Variants in PRKN observed in about 807,000 individuals in gnomAD.
The protein encoded by PRKN is E3 ubiquitin-protein ligase parkin.
In PRKN, 56 loss-of-function variants were observed where a neutral mutation model predicts 59.5. The ratio of observed to expected loss-of-function variants is 0.94; its 90% CI spans 0.76 to 1.18. The LOEUF (loss-of-function observed/expected upper bound fraction) is 1.18, where lower values mean the gene tolerates loss of function less well. Ranked by LOEUF, PRKN falls within the 50% of genes most tolerant of loss-of-function variation. The pLI is 0.00. For missense variants in PRKN, 657 were observed against 596.4 expected (o/e 1.10, Z -1.06); for synonymous variants, 250 against 222.1 (o/e 1.13, Z -1.12).
chr6:161,604,440 G>C (rs565233099), intron 7 of PRKN, among the ~76,000 whole-genome samples: 1 of 152,286 alleles, frequency 6.6e-6, no homozygotes, highest in Admixed American at 6.5e-5. Flanking sequence ...GGGTGCAGAA[G>C]ACAAACTTAG....
intron 4 of PRKN, among the ~76,000 whole-genome samples, chr6:162,150,937 G>A (rs1252987533): frequency 2.0e-5 from 3 of 152,040 alleles, no homozygotes; most frequent in African/African-American, 4.8e-5. Context: ...ATGCTCAAAT[G>A]TCACCTGAGA....
intron 5 of PRKN, among the ~76,000 whole-genome samples, chr6:162,032,074 A>T (rs1281758940): frequency 6.6e-6 from 1 of 152,148 alleles, no homozygotes; most frequent in South Asian, 2.1e-4. Context: ...CTGGCTCATA[A>T]CAGCTTGCTA....
chr6:162,140,288 G>GA (rs1781722592), intron 4 of PRKN, among the ~76,000 whole-genome samples: 1 of 151,658 alleles, frequency 6.6e-6, no homozygotes, highest in Non-Finnish European at 1.5e-5. Context: ...TGATAATTTA[G>GA]AAAAAAAAGA....
At chr6:162,593,514 G>A (rs1037227567) in intron 1 of PRKN, among the ~76,000 whole-genome samples, 1 of 152,110 alleles carries the variant, frequency 6.6e-6, no homozygotes, top group Admixed American at 6.5e-5. Flanking sequence ...TACACAGTAC[G>A]GTTTATCACT....
rs368260084 is a variant in PRKN at position 162,222,321 on chromosome 6, T to C, written c.413-21069A>G. 6.6e-5 allele frequency among the ~76,000 whole-genome samples: 10 copies of C among 152,280 alleles called. No individual in the cohort carries two copies. The East Asian group carries it at 9.7e-4, about 15-fold the overall frequency. On this transcript the variant is annotated intron_variant, in intron 3 of 11. Transcript: ENST00000366898. ...GATTTTGAATTAATCCAAAAGGAGA[T>C]ACCCTGGGTCGGCCTGACCCAATCA...
chr6:162,604,392 C>G (rs944324768), intron 1 of PRKN, among the ~76,000 whole-genome samples: 2 of 152,156 alleles, frequency 1.3e-5, no homozygotes, highest in Admixed American at 6.5e-5. Flanking sequence ...TAGCTTCCCC[C>G]ACTCAGTTTG....
At chr6:161,835,725 C>A (rs774012472) in intron 6 of PRKN, among the ~76,000 whole-genome samples, 1 of 152,212 alleles carries the variant, frequency 6.6e-6, no homozygotes, top group African/African-American at 2.4e-5. Context: ...TTTCTTCTAT[C>A]AGCCGGCAGC....
At chr6:161,768,456 T>A (rs952257601) in intron 7 of PRKN, among the ~76,000 whole-genome samples, 1 of 152,188 alleles carries the variant, frequency 6.6e-6, no homozygotes, top group Non-Finnish European at 1.5e-5. Flanking sequence ...GGAAAACCCC[T>A]ATTAGTAAAA....
intron 9 of PRKN, among the ~76,000 whole-genome samples, chr6:161,403,108 G>C (rs929174862): frequency 2.6e-5 from 4 of 152,134 alleles, no homozygotes; most frequent in African/African-American, 4.8e-5. Flanking sequence ...TAACAATGGA[G>C]AGTGAAGCAT....
rs1784615022 is a variant in PRKN, at chr6:161,352,810, T to C, written c.1286-2599A>G. On this transcript the variant is annotated intron_variant, in intron 11 of 11. Coordinates refer to ENST00000366898, the MANE Select transcript of PRKN (RefSeq NM_004562.3). This position sits in a 1 kb window ranked among gnomAD's most constrained non-coding sequence, Gnocchi z 5.8. Reference sequence around the variant, plus strand: ...TATTTTATTTTTTTGAGATGGAGTCTCGCTCTGTCGCCCAGGCTGGAGTAC... The same window carrying C: ...TATTTTATTTTTTTGAGATGGAGTCCCGCTCTGTCGCCCAGGCTGGAGTAC... Among the ~76,000 whole-genome samples, 1 of 151,298 alleles carries C rather than the reference T, an allele frequency of 6.6e-6. No homozygotes were observed. The highest frequency in any genetic ancestry group is 2.4e-5 in the African/African-American group (1 of 41,078).
chr6:162,678,621 T>C (rs1779646034), intron 1 of PRKN, among the ~76,000 whole-genome samples: 1 of 152,248 alleles, frequency 6.6e-6, no homozygotes, highest in Non-Finnish European at 1.5e-5. Context: ...TGTTCAGATC[T>C]ATTGTCTATG....
At chr6:162,468,843 T>C (rs1443405030) in intron 1 of PRKN, among the ~76,000 whole-genome samples, 1 of 152,202 alleles carries the variant, frequency 6.6e-6, no homozygotes, top group Non-Finnish European at 1.5e-5. Flanking sequence ...ATATATTGGA[T>C]GGATATATAC....
At chr6:162,516,114 A>C (rs73037930) in intron 1 of PRKN, among the ~76,000 whole-genome samples, 13,441 of 152,268 alleles carry the variant, frequency 0.088, 743 homozygotes, top group Middle Eastern at 0.17. Flanking sequence ...TTTGCACTGC[A>C]TGTTCTCTCT....
chr6:162,558,604 C>T (rs566342968), intron 1 of PRKN, among the ~76,000 whole-genome samples: 2 of 152,056 alleles, frequency 1.3e-5, no homozygotes, highest in East Asian at 1.9e-4. Context: ...GCTGGGATTA[C>T]AGGCATGAGC....
rs941084627 is a variant in PRKN, at chr6:161,428,458, G to A, written c.1084-41581C>T. Among the ~76,000 whole-genome samples the A allele has an allele frequency of 7.2e-5, 11 of 152,062 alleles. No homozygotes were observed. The highest frequency in any genetic ancestry group is 2.1e-4 in the South Asian group (1 of 4,832). ...ACACGAGCCTCATGGAGAGACAGGCGGCTGCTCCGTCCATCTTCGAACCTG... is the reference window on the plus strand; with the variant it reads ...ACACGAGCCTCATGGAGAGACAGGCAGCTGCTCCGTCCATCTTCGAACCTG... On this transcript the variant is annotated intron_variant, in intron 9 of 11. Transcript: ENST00000366898. This position sits in a 1 kb window ranked among gnomAD's most constrained non-coding sequence, Gnocchi z 4.0.
Position 161,499,593 on chromosome 6 carries a change from C to G in PRKN, c.1083+49261G>C, listed in dbSNP as rs1375017908. On this transcript the variant is annotated intron_variant, in intron 9 of 11. Transcript: ENST00000366898. The surrounding 1 kb of genome is among the most constrained non-coding windows in gnomAD (Gnocchi z 4.2). ...ATGTGGTCCCTGGTCCACCTGGATCCAAGTTAGCTGAGTTGCTCGTGAAAA... is the reference window on the plus strand; with the variant it reads ...ATGTGGTCCCTGGTCCACCTGGATCGAAGTTAGCTGAGTTGCTCGTGAAAA... 6.6e-6 allele frequency among the ~76,000 whole-genome samples: 1 copy of G among 152,148 alleles called. No individual in the cohort carries two copies. The highest frequency in any genetic ancestry group is 1.5e-5 in the Non-Finnish European group (1 of 68,040).
intron 1 of PRKN, among the ~76,000 whole-genome samples, chr6:162,577,600 AAAAT>A (rs1231277081): frequency 6.7e-6 from 1 of 149,072 alleles, no homozygotes; most frequent in African/African-American, 2.5e-5. Context: ...ACTCTGTCTC[AAAAT>A]AAATAAATAA....
intron 6 of PRKN, among the ~76,000 whole-genome samples, chr6:161,950,664 C>T (rs1388421964): frequency 6.6e-6 from 1 of 152,132 alleles, no homozygotes; most frequent in East Asian, 1.9e-4. Context: ...GGCCTGTGAA[C>T]TTGCTAAGGG....
At chr6:162,383,664 C>A (rs141918605) in intron 2 of PRKN, among the ~76,000 whole-genome samples, 5 of 152,284 alleles carry the variant, frequency 3.3e-5, no homozygotes, top group African/African-American at 1.2e-4. Context: ...TTGCCCTTCA[C>A]AAAAGGGCAG....
Sources: gnomAD v4.1 joint callset for allele counts (sites outside exome capture counted in the v4.1 genomes callset) on GRCh38, gnomAD v4.1.1 for gene constraint, Gnocchi (gnomAD v3.1) non-coding constraint, MANE v1.5 for transcripts, NCBI Gene and HGNC (gene_info 2026-07-23, HGNC 2026-07-21) for gene names.